Variants in AK5 observed in about 807,000 individuals in gnomAD.
AK5 encodes adenylate kinase 5, also known as adenylate kinase isoenzyme 5.
AK5 carries 27 observed loss-of-function variants against 69.5 expected under a neutral mutation model. The ratio of observed to expected loss-of-function variants is 0.39; its 90% CI spans 0.29 to 0.54. AK5 has a LOEUF of 0.54. AK5 is among the 20% of genes least tolerant of loss of function. The pLI is 0.71. For synonymous variants in AK5, 260 were observed against 244.4 expected, an observed-to-expected ratio of 1.06 and a Z score of -0.60; for missense variants, 531 against 700.4, an observed-to-expected ratio of 0.76 and a Z score of 2.73.
intron 8 of AK5, among the ~76,000 whole-genome samples, chr1:77,472,837 A>G (rs548492826): frequency 7.8e-6 from 1 of 127,838 alleles, no homozygotes; most frequent in African/African-American, 2.7e-5. Flanking sequence ...TGTCTTTTTC[A>G]GATTCTAGTT....
intron 8 of AK5, among the ~76,000 whole-genome samples, chr1:77,457,771 G>A (rs1532509): frequency 0.029 from 4,389 of 152,038 alleles, 190 homozygotes; most frequent in African/African-American, 0.1. Context: ...ATTTGTATTC[G>A]TGTGTGCCTG....
chr1:77,518,359 T>A (rs1276866901), intron 10 of AK5, among the ~76,000 whole-genome samples: 1 of 152,208 alleles, frequency 6.6e-6, no homozygotes, highest in Non-Finnish European at 1.5e-5. Flanking sequence ...GCTTCATGGA[T>A]AATCTAAGCT....
chr1:77,387,100 A>T (rs989047618), intron 6 of AK5, among the ~76,000 whole-genome samples: 3 of 152,278 alleles, frequency 2.0e-5, no homozygotes, highest in Middle Eastern at 3.4e-3. Flanking sequence ...CTGTTCATGG[A>T]TGCACAGGTT....
chr1:77,333,184 C>T (rs1426764505), intron 5 of AK5, among the ~76,000 whole-genome samples: 2 of 152,096 alleles, frequency 1.3e-5, no homozygotes, highest in South Asian at 2.1e-4. Context: ...AGCTTTTTCA[C>T]ATCTTTAAAG....
intron 6 of AK5, among the ~76,000 whole-genome samples, chr1:77,410,168 A>T (rs989219653): frequency 1.3e-5 from 2 of 152,132 alleles, no homozygotes; most frequent in African/African-American, 4.8e-5. Flanking sequence ...TTATAAAATA[A>T]ATATTTAAAT....
At chr1:77,288,146 T>C (rs1467580057) in intron 2 of AK5, among the ~76,000 whole-genome samples, 2 of 152,200 alleles carry the variant, frequency 1.3e-5, no homozygotes, top group African/African-American at 4.8e-5. Context: ...TGTTTAAATT[T>C]TAGGAGTTGT....
At chr1:77,331,482 G>T (rs1395987995) in intron 5 of AK5, among the ~76,000 whole-genome samples, 1 of 152,086 alleles carries the variant, frequency 6.6e-6, no homozygotes, top group Non-Finnish European at 1.5e-5. Flanking sequence ...ATTATCAAAT[G>T]ATTTTCCCCT....
chr1:77,458,165 C>T (rs1653617065), intron 8 of AK5, among the ~76,000 whole-genome samples: 1 of 151,506 alleles, frequency 6.6e-6, no homozygotes, highest in Admixed American at 6.6e-5. Flanking sequence ...CTTCTGGAGG[C>T]TCTAGGGGAA....
At chr1:77,476,771 C>T (rs1654961572) in intron 8 of AK5, among the ~76,000 whole-genome samples, 1 of 152,134 alleles carries the variant, frequency 6.6e-6, no homozygotes, top group African/African-American at 2.4e-5. Context: ...AAACATCAAA[C>T]TTGCCTACTT....
chr1:77,367,854 A>AATATATGTTATATATT lies in AK5; in HGVS notation c.891+27292_891+27293insGTTATATATTATATAT, dbSNP rs1557534388. ...AATATATGTTATATATATTATATATAATATATAATATATGTGATATATAAT... is the reference window on the plus strand; with the variant it reads ...AATATATGTTATATATATTATATATAATATATGTTATATATTATATATAATATATGTGATATATAAT... On this transcript the variant is annotated intron_variant, in intron 6 of 13. Coordinates refer to ENST00000354567, the MANE Select transcript of AK5 (RefSeq NM_174858.3). Among the ~76,000 whole-genome samples the AATATATGTTATATATT allele has an allele frequency of 9.5e-3, 21 of 2,214 alleles. 9 individuals carry two copies. Among genetic ancestry groups the AATATATGTTATATATT allele is most frequent in the Admixed American group, 0.022 (2 of 90 alleles). The allele number at this position is 2,214 out of a possible 152,430, so 1.5% of individuals were successfully genotyped here. A position where few individuals can be genotyped will look rare whatever the true frequency, so the allele number is the denominator to read the frequency against.
chr1:77,448,162 G>A (rs77081064), intron 8 of AK5, among the ~76,000 whole-genome samples: 1,911 of 152,212 alleles, frequency 0.013, 43 homozygotes, highest in African/African-American at 0.042. Flanking sequence ...GGAAAGGGGC[G>A]GGTCCTGGTG....
rs1570383915 is a variant in AK5, at chr1:77,326,568, A to G, written c.700-13809A>G. ...TTGTGCATGAAGTATTAATGGTGCT[A>G]TCACATAATTTCTCACTCTTTTGTA... On this transcript the variant is annotated intron_variant, in intron 5 of 13. Coordinates refer to ENST00000354567, the MANE Select transcript of AK5 (RefSeq NM_174858.3). Among the ~76,000 whole-genome samples the G allele has an allele frequency of 2.6e-5, 4 of 152,262 alleles. No individual in the cohort carries two copies. In the South Asian group the frequency reaches 8.3e-4, roughly 32 times the overall value.
At chr1:77,405,038 A>T (rs951332082) in intron 6 of AK5, among the ~76,000 whole-genome samples, 1 of 152,158 alleles carries the variant, frequency 6.6e-6, no homozygotes, top group South Asian at 2.1e-4. Flanking sequence ...CCCAAGTTTT[A>T]AAAAAATGTG....
intron 8 of AK5, among the ~76,000 whole-genome samples, chr1:77,450,451 G>A (rs1653074293): frequency 6.6e-6 from 1 of 152,148 alleles, no homozygotes; most frequent in Non-Finnish European, 1.5e-5. Context: ...GTTTTTCACT[G>A]AATATTCATA....
At chr1:77,338,724 T>G (rs1661495346) in intron 5 of AK5, among the ~76,000 whole-genome samples, 1 of 151,840 alleles carries the variant, frequency 6.6e-6, no homozygotes, top group South Asian at 2.1e-4. Flanking sequence ...AACAACAAAA[T>G]AAAAAATAAG....
At chr1:77,533,757 T>C (rs766716584) in intron 12 of AK5, among the ~76,000 whole-genome samples, 5 of 152,074 alleles carry the variant, frequency 3.3e-5, no homozygotes, top group African/African-American at 4.8e-5. Flanking sequence ...CTGAATTATC[T>C]TTCCTGTCCC....
Position 77,486,363 on chromosome 1 carries a change from G to A in AK5, c.1147+11G>A, listed in dbSNP as rs1456593225. 1 of 1,574,798 alleles carries A rather than the reference G, an allele frequency of 6.4e-7. No individual in the cohort carries two copies. The highest frequency in any genetic ancestry group is 1.7e-5 in the Admixed American group (1 of 59,010). On this transcript the variant is annotated intron_variant, in intron 10 of 13. Transcript: ENST00000354567. ...TTATTTTCATAATTGGTGAGTAACAGCCCTTGCATTTTCTAACAATACAAT... is the reference window on the plus strand; with the variant it reads ...TTATTTTCATAATTGGTGAGTAACAACCCTTGCATTTTCTAACAATACAAT...
At chr1:77,391,415 A>ATGTGTGTGTG (rs1380686610) in intron 6 of AK5, among the ~76,000 whole-genome samples, 1 of 128,332 alleles carries the variant, frequency 7.8e-6, no homozygotes, top group African/African-American at 3.1e-5. Flanking sequence ...ACACACACAT[A>ATGTGTGTGTG]TATATGTATA....
In AK5 at chr1:77,558,756, T is replaced by C. The variant is rs1570366977; in HGVS notation, c.*86T>C. 2 of 971,190 alleles carry C rather than the reference T, an allele frequency of 2.1e-6. No individual in the cohort carries two copies. Among genetic ancestry groups the C allele is most frequent in the Non-Finnish European group, 3.3e-6 (2 of 610,654 alleles). 60.2% of individuals were successfully genotyped at this position (971,190 alleles called of 1,614,324 possible). A position where few individuals can be genotyped will look rare whatever the true frequency, so the allele number is the denominator to read the frequency against. On this transcript the variant is annotated 3_prime_UTR_variant, in exon 14 of 14. Transcript: ENST00000354567. ...ACACAATGTTTCAAGTTAAACCTTT[T>C]GTGTCACCGCCCCCACCAACCACCA...
Sources: gnomAD v4.1 joint callset for allele counts (sites outside exome capture counted in the v4.1 genomes callset) on GRCh38, gnomAD v4.1.1 for gene constraint, MANE v1.5 for transcripts, NCBI Gene and HGNC (gene_info 2026-07-23, HGNC 2026-07-21) for gene names.